Variants in SSH1 observed in about 807,000 individuals in gnomAD.
The protein encoded by SSH1 is slingshot protein phosphatase 1.
SSH1 carries 43 observed loss-of-function variants against 79.7 expected under a neutral mutation model. The observed-to-expected ratio is 0.54, with a 90% CI of 0.42 to 0.70. The LOEUF (loss-of-function observed/expected upper bound fraction) is 0.70, where lower values mean the gene tolerates loss of function less well. SSH1 is among the 30% of genes least tolerant of loss of function. The probability of loss-of-function intolerance (pLI) is 0.00; values close to 1 mark genes in which losing one functional copy is unlikely to be tolerated. For missense variants in SSH1, 1,206 were observed against 1,358.8 expected, an observed-to-expected ratio of 0.89 and a Z score of 1.77; for synonymous variants, 599 against 538.3, an observed-to-expected ratio of 1.11 and a Z score of -1.56.
rs754432828 is a variant in SSH1 at position 108,802,287 on chromosome 12, G to A, written c.1001+35C>T. On this transcript the variant is annotated intron_variant, in intron 11 of 14. Transcript: ENST00000326495. The stretch of plus-strand genomic sequence containing the variant: ...AGAGTGGAGGGTTTCTAAGCTGCCT[G>A]GAAGGACAGGGAAAGACAAGGGGAG... The A allele has an allele frequency of 1.2e-5, 20 of 1,607,198 alleles. No individual in the cohort carries two copies. In the Admixed American group the frequency reaches 3.2e-4, roughly 25 times the overall value.
intron 3 of SSH1, among the ~76,000 whole-genome samples, chr12:108,819,949 T>C (rs899369488): frequency 5.9e-5 from 9 of 152,234 alleles, no homozygotes; most frequent in Admixed American, 2.6e-4. Context: ...ACAGATGATG[T>C]CCAAATTGCA....
chr12:108,854,603 T>A (rs1243538671), intron 1 of SSH1, among the ~76,000 whole-genome samples: 3 of 152,174 alleles, frequency 2.0e-5, no homozygotes, highest in African/African-American at 4.8e-5. Flanking sequence ...CTGCCCTAAG[T>A]GTCTGACTCA....
intron 2 of SSH1, among the ~76,000 whole-genome samples, chr12:108,844,069 G>A (rs1214947795): frequency 1.3e-5 from 2 of 152,152 alleles, no homozygotes; most frequent in African/African-American, 4.8e-5. Context: ...ACGGGCAGGG[G>A]CATTTGTTGA....
intron 13 of SSH1, among the ~76,000 whole-genome samples, chr12:108,796,014 C>T (rs571339141): frequency 1.3e-5 from 2 of 152,146 alleles, no homozygotes; most frequent in East Asian, 1.9e-4. Flanking sequence ...CTCCCAGGTT[C>T]AAGCCATTCT....
At chr12:108,845,145 G>T (rs2038868655) in intron 2 of SSH1, among the ~76,000 whole-genome samples, 1 of 150,386 alleles carries the variant, frequency 6.6e-6, no homozygotes, top group Non-Finnish European at 1.5e-5. Flanking sequence ...GGAGGCAGAG[G>T]CTGCAGTGAG....
In SSH1 at chr12:108,780,551, A is replaced by T. The variant is rs889772711; in HGVS notation, c.*7437T>A. The T allele has an allele frequency of 6.6e-6, 1 of 152,246 alleles. No homozygotes were observed. Among genetic ancestry groups the T allele is most frequent in the Non-Finnish European group, 1.5e-5 (1 of 68,048 alleles). The allele number at this position is 152,246 out of a possible 1,614,324, so 9.4% of individuals were successfully genotyped here. A position where few individuals can be genotyped will look rare whatever the true frequency, so the allele number is the denominator to read the frequency against. On this transcript the variant is annotated 3_prime_UTR_variant, in exon 15 of 15. Coordinates refer to ENST00000326495, the MANE Select transcript of SSH1 (RefSeq NM_018984.4). The stretch of plus-strand genomic sequence containing the variant: ...TTGATGGTTTCTAAACTTGGCCATC[A>T]GAATTCCCAGGGAATCTCAGAAACA...
At position 108,779,165 on chromosome 12, in the gene SSH1, A is replaced by G. The variant is rs1235085915; in HGVS notation, c.*8823T>C. 1 of 152,156 alleles carries G rather than the reference A, an allele frequency of 6.6e-6. No individual in the cohort carries two copies. Among genetic ancestry groups the G allele is most frequent in the Non-Finnish European group, 1.5e-5 (1 of 68,030 alleles). 9.4% of individuals were successfully genotyped at this position (152,156 alleles called of 1,614,324 possible). A position where few individuals can be genotyped will look rare whatever the true frequency, so the allele number is the denominator to read the frequency against. On this transcript the variant is annotated 3_prime_UTR_variant, in exon 15 of 15. Coordinates refer to ENST00000326495, the MANE Select transcript of SSH1 (RefSeq NM_018984.4). ...CTAGGCTGGGAGGTTGCTAATGTAA[A>G]TGCCACACTGTATTTGCTGAAGTGG...
chr12:108,787,946 C>A lies in SSH1; in HGVS notation c.*42G>T. On this transcript the variant is annotated 3_prime_UTR_variant, in exon 15 of 15. Coordinates refer to ENST00000326495, the MANE Select transcript of SSH1 (RefSeq NM_018984.4). The stretch of plus-strand genomic sequence containing the variant: ...TCCACAGTGAAAGTGAGGGAGGGAT[C>A]ATATGAAAATATCCGCCCAGCCTGA... 2 of 1,611,952 alleles carry A rather than the reference C, an allele frequency of 1.2e-6. No homozygotes were observed. Among genetic ancestry groups the A allele is most frequent in the South Asian group, 1.1e-5 (1 of 90,988 alleles).
At chr12:108,856,937 C>T (rs1729933925) in intron 1 of SSH1, among the ~76,000 whole-genome samples, 1 of 152,230 alleles carries the variant, frequency 6.6e-6, no homozygotes, top group African/African-American at 2.4e-5. Context: ...GACAGACGCA[C>T]AGTCCTCCCC....
At chr12:108,818,141 T>C in intron 4 of SSH1, 108 bp downstream of exon 4, 19 of 901,268 alleles carry the variant, frequency 2.1e-5, no homozygotes, top group Non-Finnish European at 2.6e-5. Flanking sequence ...GAGGCTGTAG[T>C]GAGCTAAGAT....
chr12:108,818,357 T>C, intron 3 of SSH1, 44 bp from the exon 4 acceptor site: 1 of 1,578,014 alleles, frequency 6.3e-7, no homozygotes. Flanking sequence ...TCTTACCTAC[T>C]CTCTAGGAAA....
intron 2 of SSH1, among the ~76,000 whole-genome samples, chr12:108,838,297 G>A (rs893941177): frequency 6.6e-6 from 1 of 152,088 alleles, no homozygotes; most frequent in Non-Finnish European, 1.5e-5. Context: ...TGCCCTCTTC[G>A]TGTTTTCCAG....
intron 6 of SSH1, among the ~76,000 whole-genome samples, chr12:108,810,399 G>A (rs2037520122): frequency 6.6e-6 from 1 of 151,974 alleles, no homozygotes; most frequent in Non-Finnish European, 1.5e-5. Context: ...GCAGGTGCCT[G>A]TAATCCCAGC....
At chr12:108,843,961 C>T (rs946844147) in intron 2 of SSH1, among the ~76,000 whole-genome samples, 1 of 152,074 alleles carries the variant, frequency 6.6e-6, no homozygotes, top group Admixed American at 6.6e-5. Flanking sequence ...AAAGCAAGTA[C>T]CAAACACCAA....
chr12:108,808,036 C>A (rs527682909), intron 7 of SSH1, among the ~76,000 whole-genome samples: 1 of 152,316 alleles, frequency 6.6e-6, no homozygotes, highest in South Asian at 2.1e-4. Flanking sequence ...CTCCTGGGTT[C>A]AAGCAATTCT....
At chr12:108,852,555 G>A (rs1235270608) in intron 2 of SSH1, 83 bp downstream of exon 2, 8 of 1,565,582 alleles carry the variant, frequency 5.1e-6, no homozygotes, top group Middle Eastern at 1.7e-4. Context: ...CTTTTTGAAC[G>A]TTTTCCCTTT....
chr12:108,824,882 A>G (rs1376940879), intron 2 of SSH1, among the ~76,000 whole-genome samples: 1 of 152,220 alleles, frequency 6.6e-6, no homozygotes, highest in African/African-American at 2.4e-5. Flanking sequence ...AAATACCATC[A>G]ACTCTCAAAA....
At chr12:108,799,729 G>A (rs2036906819) in intron 12 of SSH1, among the ~76,000 whole-genome samples, 1 of 152,232 alleles carries the variant, frequency 6.6e-6, no homozygotes. Context: ...CAGGGAGCAG[G>A]AGTAAGGGCG....
At chr12:108,838,529 C>T (rs1162890626) in intron 2 of SSH1, among the ~76,000 whole-genome samples, 1 of 152,206 alleles carries the variant, frequency 6.6e-6, no homozygotes, top group African/African-American at 2.4e-5. Flanking sequence ...GTGAAGGGCA[C>T]GCGAAGCCAG....
Sources: allele counts gnomAD v4.1 joint callset (sites outside exome capture counted in the v4.1 genomes callset), GRCh38; gene constraint gnomAD v4.1.1; transcripts MANE v1.5; gene names NCBI Gene and HGNC (gene_info 2026-07-23, HGNC 2026-07-21).